The following CLEC16A variants were observed in gnomAD, a reference collection of about 807,000 sequenced individuals.
The protein encoded by CLEC16A is protein CLEC16A.
CLEC16A carries 51 observed loss-of-function variants against 109.5 expected under a neutral mutation model. The ratio of observed to expected loss-of-function variants is 0.47; its 90% CI spans 0.37 to 0.59. The LOEUF is 0.59. Ranked by LOEUF, CLEC16A falls within the 20% of genes least tolerant of loss-of-function variation. The pLI is 0.00. For synonymous variants in CLEC16A, 673 were observed against 564.2 expected, an observed-to-expected ratio of 1.19 and a Z score of -2.73; for missense variants, 1,339 against 1,394.0, an observed-to-expected ratio of 0.96 and a Z score of 0.63.
intron 10 of CLEC16A, among the ~76,000 whole-genome samples, chr16:11,001,290 T>A (rs866612629): frequency 6.6e-6 from 1 of 152,248 alleles, no homozygotes; most frequent in African/African-American, 2.4e-5. Flanking sequence ...TTTGCCATGT[T>A]GCCCAGGCTG....
chr16:10,945,788 T>A (rs2041330815), intron 1 of CLEC16A, among the ~76,000 whole-genome samples: 1 of 152,214 alleles, frequency 6.6e-6, no homozygotes, highest in Admixed American at 6.5e-5. Flanking sequence ...CCATCCCAGT[T>A]CCTATCCATC....
intron 19 of CLEC16A, among the ~76,000 whole-genome samples, chr16:11,100,124 G>A (rs542972875): frequency 6.6e-5 from 10 of 152,244 alleles, no homozygotes; most frequent in Middle Eastern, 3.4e-3. Flanking sequence ...TCAATCCATG[G>A]CTTCCTAGCT....
chr16:11,110,719 C>G (rs1179385054), intron 19 of CLEC16A, among the ~76,000 whole-genome samples: 1 of 152,130 alleles, frequency 6.6e-6, no homozygotes, highest in Non-Finnish European at 1.5e-5. Flanking sequence ...CAGCCCCATG[C>G]CCCTCCCAGA....
chr16:11,152,564 C>T (rs1008608113), intron 22 of CLEC16A, among the ~76,000 whole-genome samples: 1 of 152,230 alleles, frequency 6.6e-6, no homozygotes, highest in African/African-American at 2.4e-5. Context: ...GTGCCAATCC[C>T]CTCTGTTGTC....
chr16:11,153,915 C>T (rs1295109937), intron 22 of CLEC16A, among the ~76,000 whole-genome samples: 1 of 152,124 alleles, frequency 6.6e-6, no homozygotes, highest in African/African-American at 2.4e-5. Context: ...TTTGAGAAGC[C>T]CTTCTGGTTC....
chr16:11,069,089 TC>T (rs1024235824), intron 19 of CLEC16A, among the ~76,000 whole-genome samples: 8 of 152,016 alleles, frequency 5.3e-5, no homozygotes, highest in Admixed American at 2.0e-4. Context: ...TGCCTTGGTA[TC>T]CCAAAGTGCT....
At chr16:11,014,862 C>A (rs965855997) in intron 11 of CLEC16A, among the ~76,000 whole-genome samples, 1 of 152,172 alleles carries the variant, frequency 6.6e-6, no homozygotes, top group African/African-American at 2.4e-5. Flanking sequence ...AGAACCGTGC[C>A]AACTTCAGGT....
At chr16:11,069,368 A>G (rs1008090672) in intron 19 of CLEC16A, among the ~76,000 whole-genome samples, 2 of 151,814 alleles carry the variant, frequency 1.3e-5, no homozygotes, top group Non-Finnish European at 2.9e-5. Flanking sequence ...TGCTCAAGCA[A>G]TCCACCCACC....
At chr16:10,979,423 G>A in intron 9 of CLEC16A, 41 bp downstream of exon 9, 1 of 1,573,804 alleles carries the variant, frequency 6.4e-7, no homozygotes, top group Non-Finnish European at 8.7e-7. Flanking sequence ...TACATTTGGG[G>A]TCCCTTGGCG....
At chr16:11,043,086 A>T (rs927998027) in intron 15 of CLEC16A, among the ~76,000 whole-genome samples, 1 of 152,138 alleles carries the variant, frequency 6.6e-6, no homozygotes, top group Non-Finnish European at 1.5e-5. Flanking sequence ...ATATACACAC[A>T]CACACACACA....
rs1285085988 is a variant in CLEC16A, at chr16:10,950,419, A to C, written c.80+5622A>C. On this transcript the variant is annotated intron_variant, in intron 1 of 23. Coordinates refer to ENST00000409790, the MANE Select transcript of CLEC16A (RefSeq NM_015226.3). ...AACAACTGCTTGTTCTCCCCAGTTT[A>C]GTCACAGCACCTGTGCCACAGCCAT... is the stretch of plus-strand genomic sequence containing the variant. Among the ~76,000 whole-genome samples, 5 of 152,304 alleles carry C rather than the reference A, an allele frequency of 3.3e-5. No homozygotes were observed. The East Asian group carries it at 9.7e-4, about 29-fold the overall frequency.
At chr16:11,165,036 C>T (rs1333152857) in intron 22 of CLEC16A, among the ~76,000 whole-genome samples, 1 of 152,058 alleles carries the variant, frequency 6.6e-6, no homozygotes, top group Non-Finnish European at 1.5e-5. Flanking sequence ...CTCGCCCCCC[C>T]ATATCTCCAC....
chr16:11,017,006 G>T (rs547457229), intron 11 of CLEC16A, among the ~76,000 whole-genome samples: 27 of 125,018 alleles, frequency 2.2e-4, no homozygotes, highest in Admixed American at 6.7e-4. Flanking sequence ...GGGGCGGGGG[G>T]GGGGGTGCTC....
At chr16:11,067,166 TGG>T (rs1239952875) in intron 19 of CLEC16A, among the ~76,000 whole-genome samples, 1 of 144,534 alleles carries the variant, frequency 6.9e-6, no homozygotes, top group Non-Finnish European at 1.5e-5. Flanking sequence ...GTTTTTTTTT[TGG>T]TTTTTTTTTT....
At chr16:11,139,875 T>C (rs2053741944) in intron 22 of CLEC16A, among the ~76,000 whole-genome samples, 1 of 152,226 alleles carries the variant, frequency 6.6e-6, no homozygotes, top group Admixed American at 6.5e-5. Flanking sequence ...AAAAATCCTA[T>C]TTATTGAATG....
intron 19 of CLEC16A, among the ~76,000 whole-genome samples, chr16:11,087,891 G>A (rs909921446): frequency 6.6e-6 from 1 of 152,224 alleles, no homozygotes; most frequent in African/African-American, 2.4e-5. Flanking sequence ...TTTGAGGCAG[G>A]AAGTGTCTGA....
In CLEC16A at chr16:11,173,609, T is replaced by A. The variant is rs2068617530; in HGVS notation, c.2807-4726T>A. Among the ~76,000 whole-genome samples, 3 of 152,246 alleles carry A rather than the reference T, an allele frequency of 2.0e-5. No individual in the cohort carries two copies. The South Asian group carries it at 6.2e-4, about 32-fold the overall frequency. ...TGAGCTTTCTCAGGACTCGGAGCTG[T>A]GCTGTTGGCGTCAGCGTGTGACACC... On this transcript the variant is annotated intron_variant, in intron 23 of 23. Coordinates refer to ENST00000409790, the MANE Select transcript of CLEC16A (RefSeq NM_015226.3).
intron 18 of CLEC16A, among the ~76,000 whole-genome samples, chr16:11,052,340 A>G (rs1450282587): frequency 3.3e-5 from 5 of 152,188 alleles, no homozygotes; most frequent in African/African-American, 1.2e-4. Context: ...AATTCATTGC[A>G]CACAGCTCCC....
At chr16:10,993,800 G>T (rs1018092325) in intron 10 of CLEC16A, among the ~76,000 whole-genome samples, 3 of 152,202 alleles carry the variant, frequency 2.0e-5, no homozygotes, top group African/African-American at 7.2e-5. Flanking sequence ...TTCAATGCTC[G>T]TGATGATCTT....
Sources: allele counts gnomAD v4.1 joint callset (sites outside exome capture counted in the v4.1 genomes callset), GRCh38; gene constraint gnomAD v4.1.1; transcripts MANE v1.5; gene names NCBI Gene and HGNC (gene_info 2026-07-23, HGNC 2026-07-21).